The following KCNH7 variants were observed in gnomAD, a reference collection of about 807,000 sequenced individuals.
KCNH7 encodes the protein voltage-gated inwardly rectifying potassium channel KCNH7.
KCNH7 carries 49 observed loss-of-function variants against 120.8 expected under a neutral mutation model. The observed-to-expected ratio is 0.41, with a 90% CI of 0.32 to 0.51. The LOEUF (loss-of-function observed/expected upper bound fraction) is 0.51. KCNH7 is among the 20% of genes least tolerant of loss of function. KCNH7 has a pLI of 0.38. For missense variants in KCNH7, 1,097 were observed against 1,446.6 expected (o/e 0.76, Z 3.92); for synonymous variants, 547 against 516.1 (o/e 1.06, Z -0.81).
At chr2:162,485,406 A>G (rs1327190920) in intron 6 of KCNH7, among the ~76,000 whole-genome samples, 4 of 152,192 alleles carry the variant, frequency 2.6e-5, no homozygotes, top group African/African-American at 9.6e-5. Context: ...ATTGCTTTCA[A>G]GTAATAAGTT....
chr2:162,492,865 G>GTTTTTTTTTTTTTTTTTTTTT (rs67006443), intron 6 of KCNH7, among the ~76,000 whole-genome samples: 1 of 57,180 alleles, frequency 1.7e-5, no homozygotes, highest in Admixed American at 2.1e-4. Flanking sequence ...CTTGGATCTT[G>GTTTTTTTTTTTTTTTTTTTTT]TTTTTTTTTT....
At chr2:162,504,706 GAA>G in intron 5 of KCNH7, 49 bp from the exon 6 acceptor site, 1 of 1,212,746 alleles carries the variant, frequency 8.2e-7, no homozygotes, top group Admixed American at 1.8e-5. Context: ...AGATATAGAA[GAA>G]AGAGACAGTT....
chr2:162,689,087 C>G (rs78280967), intron 2 of KCNH7, among the ~76,000 whole-genome samples: 8,778 of 151,988 alleles, frequency 0.058, 829 homozygotes, highest in African/African-American at 0.2. Context: ...TATTATTATA[C>G]TCCCATGATA....
At chr2:162,608,857 A>G (rs1233449364) in intron 2 of KCNH7, among the ~76,000 whole-genome samples, 1 of 152,160 alleles carries the variant, frequency 6.6e-6, no homozygotes, top group Admixed American at 6.6e-5. Context: ...ATGGTTTTAT[A>G]TTGCTACTTA....
At chr2:162,538,332 C>G (rs74759679) in intron 2 of KCNH7, among the ~76,000 whole-genome samples, 1 of 151,952 alleles carries the variant, frequency 6.6e-6, no homozygotes, top group Non-Finnish European at 1.5e-5. Flanking sequence ...AAAGATCGGA[C>G]CCCCCTGATT....
At chr2:162,614,133 A>G (rs1249585620) in intron 2 of KCNH7, among the ~76,000 whole-genome samples, 1 of 152,136 alleles carries the variant, frequency 6.6e-6, no homozygotes, top group Non-Finnish European at 1.5e-5. Flanking sequence ...CAAAGTATGT[A>G]AACTAGAGCA....
intron 2 of KCNH7, among the ~76,000 whole-genome samples, chr2:162,816,259 A>C (rs1468958795): frequency 7.8e-4 from 2 of 2,550 alleles, no homozygotes; most frequent in Admixed American, 7.5e-3. Flanking sequence ...CTCCATCTCA[A>C]AAAAAAAAAA....
At chr2:162,673,307 T>C (rs1390213730) in intron 2 of KCNH7, among the ~76,000 whole-genome samples, 1 of 152,202 alleles carries the variant, frequency 6.6e-6, no homozygotes, top group Middle Eastern at 3.4e-3. Flanking sequence ...ATGTAAAATA[T>C]AGCAAATCAT....
At chr2:162,583,229 G>A (rs956268885) in intron 2 of KCNH7, among the ~76,000 whole-genome samples, 1 of 152,056 alleles carries the variant, frequency 6.6e-6, no homozygotes, top group African/African-American at 2.4e-5. Context: ...TGAGCAGATG[G>A]TTAGTAGCAA....
At chr2:162,572,266 C>T (rs1446578990) in intron 2 of KCNH7, among the ~76,000 whole-genome samples, 2 of 151,236 alleles carry the variant, frequency 1.3e-5, no homozygotes, top group Non-Finnish European at 2.9e-5. Context: ...CAAAGGAAGA[C>T]ATTTATGCAG....
At chr2:162,784,890 A>C (rs978495457) in intron 2 of KCNH7, 2 of 152,246 alleles carry the variant, frequency 1.3e-5, no homozygotes, top group Middle Eastern at 3.2e-3. Context: ...AAATTATCCC[A>C]TACTAGCCAC....
intron 7 of KCNH7, among the ~76,000 whole-genome samples, chr2:162,445,127 C>T (rs1219652481): frequency 1.3e-5 from 2 of 152,000 alleles, no homozygotes; most frequent in African/African-American, 2.4e-5. Flanking sequence ...TCCCCTTGGT[C>T]GAGGAGGATT....
At chr2:162,536,436 T>C (rs1692110636) in intron 3 of KCNH7, among the ~76,000 whole-genome samples, 2 of 151,954 alleles carry the variant, frequency 1.3e-5, no homozygotes, top group Admixed American at 1.3e-4. Context: ...TCTGACACGC[T>C]TTGTTGGCAT....
chr2:162,657,347 C>T (rs540330946), intron 2 of KCNH7, among the ~76,000 whole-genome samples: 6 of 152,248 alleles, frequency 3.9e-5, no homozygotes, highest in East Asian at 1.9e-4. Flanking sequence ...TTGCAACCAC[C>T]GATTGTTTGA....
intron 2 of KCNH7, among the ~76,000 whole-genome samples, chr2:162,836,329 A>G (rs2105630420): frequency 6.6e-6 from 1 of 152,278 alleles, no homozygotes; most frequent in African/African-American, 2.4e-5. Flanking sequence ...GTACTTTTGA[A>G]GAGATTACAG....
At chr2:162,401,798 A>G (rs1165262042) in intron 9 of KCNH7, among the ~76,000 whole-genome samples, 1 of 151,930 alleles carries the variant, frequency 6.6e-6, no homozygotes, top group African/African-American at 2.4e-5. Context: ...AATTGATAGA[A>G]CTGAATTCTG....
At chr2:162,606,489 A>C (rs1249407490) in intron 2 of KCNH7, among the ~76,000 whole-genome samples, 1 of 152,176 alleles carries the variant, frequency 6.6e-6, no homozygotes, top group South Asian at 2.1e-4. Flanking sequence ...TTGTTTCTTA[A>C]ATTATTTTAT....
chr2:162,629,245 T>TC (rs1683673141), intron 2 of KCNH7, among the ~76,000 whole-genome samples: 1 of 152,096 alleles, frequency 6.6e-6, no homozygotes. Flanking sequence ...TAGCAGACTA[T>TC]GATTGAGGCA....
Position 162,624,238 on chromosome 2 carries a change from A to G in KCNH7, c.308-87158T>C, listed in dbSNP as rs1254643697. On this transcript the variant is annotated intron_variant, in intron 2 of 15. Coordinates refer to ENST00000332142, the MANE Select transcript of KCNH7 (RefSeq NM_033272.4). ...CCTAACACTAAGTCACAATGCCTAC[A>G]TCATTCACCTCACTTCATCTCATGG... 4.6e-5 allele frequency among the ~76,000 whole-genome samples: 7 copies of G among 152,156 alleles called. No individual in the cohort carries two copies. The East Asian group carries it at 1.4e-3, about 29-fold the overall frequency.
Sources: gnomAD v4.1 joint callset for allele counts (sites outside exome capture counted in the v4.1 genomes callset) on GRCh38, gnomAD v4.1.1 for gene constraint, MANE v1.5 for transcripts, NCBI Gene and HGNC (gene_info 2026-07-23, HGNC 2026-07-21) for gene names.